Variants in UIMC1 observed in about 807,000 individuals in gnomAD.
The protein encoded by UIMC1 is BRCA1-A complex subunit RAP80.
Under a neutral mutation model 84.9 loss-of-function variants are expected in UIMC1, and 42 were observed. The observed-to-expected ratio is 0.49, with a 90% CI of 0.39 to 0.64. The LOEUF is 0.64. Among genes scored for constraint, UIMC1 ranks in the 30% least tolerant of loss-of-function variants. The probability of loss-of-function intolerance (pLI) is 0.00; values close to 1 mark genes in which losing one functional copy is unlikely to be tolerated. For synonymous variants in UIMC1, 281 were observed against 293.0 expected (o/e 0.96, Z 0.42); for missense variants, 825 against 847.6 (o/e 0.97, Z 0.33).
intron 10 of UIMC1, among the ~76,000 whole-genome samples, chr5:176,933,266 G>A (rs950921797): frequency 3.3e-5 from 5 of 152,066 alleles, no homozygotes; most frequent in East Asian, 3.9e-4. Flanking sequence ...ATTCTTCTTC[G>A]AAGAAGAAAT....
At chr5:176,914,952 T>C (rs553785101) in intron 10 of UIMC1, among the ~76,000 whole-genome samples, 5 of 152,210 alleles carry the variant, frequency 3.3e-5, no homozygotes, top group Non-Finnish European at 7.3e-5. Context: ...CTTGCTAAAA[T>C]CCATTCTTAA....
chr5:176,982,677 AAAGTAT>A, intron 1 of UIMC1, 54 bp from the exon 2 acceptor site: 4 of 1,537,016 alleles, frequency 2.6e-6, no homozygotes, highest in Non-Finnish European at 2.6e-6. Context: ...TAATTTACTT[AAAGTAT>A]AAGTTTTCTA....
chr5:176,978,090 G>A (rs1178816392), intron 2 of UIMC1, among the ~76,000 whole-genome samples: 1 of 152,044 alleles, frequency 6.6e-6, no homozygotes, highest in African/African-American at 2.4e-5. Flanking sequence ...TCAGTTGGTA[G>A]GCCGGGTGCG....
chr5:176,951,648 C>T, intron 8 of UIMC1, 71 bp from the exon 9 acceptor site: 1 of 1,097,994 alleles, frequency 9.1e-7, no homozygotes, highest in Non-Finnish European at 1.3e-6. Flanking sequence ...AACAAACATG[C>T]CTATTTTCAC....
At chr5:176,909,573 T>C (rs1759845381) in intron 11 of UIMC1, among the ~76,000 whole-genome samples, 1 of 152,106 alleles carries the variant, frequency 6.6e-6, no homozygotes, top group African/African-American at 2.4e-5. Flanking sequence ...CAAAGCATGC[T>C]ATCTTGGACA....
chr5:176,924,929 G>A (rs1339056421), intron 10 of UIMC1, among the ~76,000 whole-genome samples: 1 of 151,572 alleles, frequency 6.6e-6, no homozygotes, highest in Admixed American at 6.6e-5. Context: ...TACTCAGGAG[G>A]CTGAGGCAGG....
At chr5:176,941,501 C>T (rs1419078670) in intron 10 of UIMC1, among the ~76,000 whole-genome samples, 2 of 152,220 alleles carry the variant, frequency 1.3e-5, no homozygotes, top group Middle Eastern at 3.4e-3. Flanking sequence ...TTATGTACTT[C>T]CTTATTTAAT....
rs920408502 is a variant in UIMC1 at position 176,989,791 on chromosome 5, C to CT, written c.-8-7169dup. On this transcript the variant is annotated intron_variant, in intron 1 of 14. Transcript: ENST00000511320. ...TTCATACTAAAGCAGTAACATCTCACTAGATAACTAGATATGACCTATCCA... is the reference window on the plus strand; with the variant it reads ...TTCATACTAAAGCAGTAACATCTCACTTAGATAACTAGATATGACCTATCCA... Among the ~76,000 whole-genome samples, 248 of 152,264 alleles carry CT rather than the reference C, an allele frequency of 1.6e-3. 2 individuals are homozygous for CT. Among genetic ancestry groups the CT allele is most frequent in the African/African-American group, 5.7e-3 (238 of 41,552 alleles).
At chr5:176,968,477 A>C in intron 6 of UIMC1, 78 bp downstream of exon 6, 1 of 1,518,358 alleles carries the variant, frequency 6.6e-7, no homozygotes, top group Non-Finnish European at 8.8e-7. Context: ...GGGGAAGACC[A>C]CAAAAATAAC....
chr5:176,928,924 C>A (rs1287666938), intron 10 of UIMC1, among the ~76,000 whole-genome samples: 1 of 151,314 alleles, frequency 6.6e-6, no homozygotes, highest in Non-Finnish European at 1.5e-5. Flanking sequence ...GCACTCCAAC[C>A]TGGGCAACAG....
chr5:176,987,778 C>G (rs538202531), intron 1 of UIMC1, among the ~76,000 whole-genome samples: 1 of 151,822 alleles, frequency 6.6e-6, no homozygotes, highest in Admixed American at 6.6e-5. Flanking sequence ...AAACTGTGAT[C>G]ACACCACTGC....
At chr5:176,977,793 C>G (rs1770365314) in intron 2 of UIMC1, among the ~76,000 whole-genome samples, 1 of 151,568 alleles carries the variant, frequency 6.6e-6, no homozygotes, top group Admixed American at 6.6e-5. Context: ...ACCTGTAATC[C>G]CAGCTACTCC....
intron 10 of UIMC1, among the ~76,000 whole-genome samples, chr5:176,938,285 G>C (rs1049396730): frequency 2.0e-5 from 3 of 150,330 alleles, no homozygotes; most frequent in Admixed American, 2.0e-4. Context: ...TTAAAACTAG[G>C]TTGGGAGCCT....
rs558758469 is a variant in UIMC1 at position 177,005,041 on chromosome 5, C to G, written c.-9+1609G>C. Reference sequence around the variant, plus strand: ...CCCGAGAAGCTGGGAACCACAGGCACGCGCCACCACGCCCAGCTAATTTTT... The same window carrying G: ...CCCGAGAAGCTGGGAACCACAGGCAGGCGCCACCACGCCCAGCTAATTTTT... On this transcript the variant is annotated intron_variant, in intron 1 of 14. Coordinates refer to ENST00000511320, the MANE Select transcript of UIMC1 (RefSeq NM_001199298.2). Among the ~76,000 whole-genome samples the G allele has an allele frequency of 1.9e-3, 283 of 152,038 alleles. 2 individuals are homozygous for G. The highest frequency in any genetic ancestry group is 1.9e-3 in the Non-Finnish European group (129 of 67,978).
intron 10 of UIMC1, among the ~76,000 whole-genome samples, chr5:176,939,436 C>T (rs777988673): frequency 2.6e-5 from 4 of 152,084 alleles, no homozygotes; most frequent in Non-Finnish European, 5.9e-5. Context: ...CAGCCAACAA[C>T]GGACCATCTA....
intron 5 of UIMC1, 151 bp from the exon 6 acceptor site, chr5:176,969,442 G>A: frequency 7.5e-7 from 1 of 1,338,046 alleles, no homozygotes; most frequent in Middle Eastern, 2.0e-4. Flanking sequence ...GGAGATAAAA[G>A]TATGCCGGAT....
intron 1 of UIMC1, among the ~76,000 whole-genome samples, chr5:177,021,877 C>T (rs1339704752): frequency 1.3e-5 from 2 of 152,122 alleles, no homozygotes; most frequent in East Asian, 3.8e-4. Flanking sequence ...TCTCGAACTC[C>T]GGACCTCAGG....
Position 176,968,730 on chromosome 5 carries a change from G to A in UIMC1, c.1025C>T (p.Ala342Val). ...IQNECGQGEQ[A>V]SEKNECISED... is the part of the protein sequence containing the mutation. The stretch of plus-strand genomic sequence containing the variant: ...TGAGATGCATTCATTTTTCTCACTA[G>A]CCTGCTCTCCTTGGCCACATTCATT... The change falls in exon 6 of 15, where the codon GCT (alanine) becomes GTT (valine). Residue 342 changes from alanine to valine, a missense_variant. Transcript: ENST00000511320. 1 of 1,614,010 alleles carries A rather than the reference G, an allele frequency of 6.2e-7. No homozygotes were observed. Among genetic ancestry groups the A allele is most frequent in the Non-Finnish European group, 8.5e-7 (1 of 1,180,002 alleles).
At chr5:177,021,860 A>G (rs756350169) in intron 1 of UIMC1, among the ~76,000 whole-genome samples, 1 of 152,162 alleles carries the variant, frequency 6.6e-6, no homozygotes, top group Non-Finnish European at 1.5e-5. Context: ...CATGTTGGTC[A>G]GGCTGGTCTC....
Sources: gnomAD v4.1 joint callset for allele counts (sites outside exome capture counted in the v4.1 genomes callset) on GRCh38, gnomAD v4.1.1 for gene constraint, MANE v1.5 for transcripts, NCBI Gene and HGNC (gene_info 2026-07-23, HGNC 2026-07-21) for gene names.